ASB3: variants seen among roughly 807,000 people sequenced by gnomAD.
ASB3 encodes ankyrin repeat and SOCS box containing 3.
Under a neutral mutation model 54.5 loss-of-function variants are expected in ASB3, and 41 were observed. That is an observed-to-expected ratio of 0.75 (90% CI 0.59 to 0.98). The LOEUF (loss-of-function observed/expected upper bound fraction) is 0.98, where lower values mean the gene tolerates loss of function less well. Ranked by LOEUF, ASB3 falls within the 50% of genes least tolerant of loss-of-function variation. The pLI is 0.00. For synonymous variants in ASB3, 266 were observed against 221.2 expected, an observed-to-expected ratio of 1.20 and a Z score of -1.80; for missense variants, 733 against 620.0, an observed-to-expected ratio of 1.18 and a Z score of -1.94.
At chr2:53,724,217 C>T (rs1670866230) in intron 5 of ASB3, among the ~76,000 whole-genome samples, 1 of 152,160 alleles carries the variant, frequency 6.6e-6, no homozygotes, top group African/African-American at 2.4e-5. Flanking sequence ...CTGGATATTA[C>T]ACAAAGGTCT....
At chr2:53,770,713 A>T (rs1163074931) in intron 1 of ASB3, among the ~76,000 whole-genome samples, 1 of 152,190 alleles carries the variant, frequency 6.6e-6, no homozygotes. Flanking sequence ...TAAAAAGTGA[A>T]GCTTTCCATA....
intron 7 of ASB3, among the ~76,000 whole-genome samples, chr2:53,709,672 T>A (rs1392355691): frequency 6.6e-6 from 1 of 152,224 alleles, no homozygotes; most frequent in Non-Finnish European, 1.5e-5. Flanking sequence ...TACATTTACA[T>A]ATGTTTGAAA....
intron 9 of ASB3, among the ~76,000 whole-genome samples, chr2:53,693,308 A>G (rs1350791533): frequency 1.3e-5 from 2 of 152,162 alleles, no homozygotes; most frequent in Non-Finnish European, 2.9e-5. Context: ...CTAGCTTAAA[A>G]ATTTTTTTAA....
At chr2:53,752,320 T>C (rs1185956170) in intron 2 of ASB3, among the ~76,000 whole-genome samples, 3 of 152,176 alleles carry the variant, frequency 2.0e-5, no homozygotes, top group Non-Finnish European at 4.4e-5. Context: ...AAATTAGGCA[T>C]GTGGACACAT....
At chr2:53,702,382 C>G (rs998772058) in intron 7 of ASB3, among the ~76,000 whole-genome samples, 1 of 152,156 alleles carries the variant, frequency 6.6e-6, no homozygotes, top group Non-Finnish European at 1.5e-5. Flanking sequence ...AACTTCAGGG[C>G]TCTATATGAC....
chr2:53,744,199 A>T (rs1672095658), intron 3 of ASB3, among the ~76,000 whole-genome samples: 1 of 150,994 alleles, frequency 6.6e-6, no homozygotes, highest in South Asian at 2.1e-4. Context: ...ACACGGTGAA[A>T]CCTCATCTCT....
chr2:53,765,318 T>A, intron 2 of ASB3, 59 bp downstream of exon 2: 1 of 1,605,026 alleles, frequency 6.2e-7, no homozygotes, highest in African/African-American at 1.3e-5. Flanking sequence ...TATTATACTT[T>A]TTTATGTTTT....
intron 1 of ASB3, chr2:53,771,959 C>T: frequency 1.5e-6 from 2 of 1,373,584 alleles, no homozygotes; most frequent in Non-Finnish European, 1.0e-6. Context: ...TATAAATATT[C>T]TTTTTTGTAT....
intron 7 of ASB3, among the ~76,000 whole-genome samples, chr2:53,708,892 A>G (rs1010312257): frequency 1.1e-4 from 17 of 152,374 alleles, no homozygotes; most frequent in African/African-American, 3.1e-4. Context: ...ATGCATGAGC[A>G]AAGACAGGAC....
intron 9 of ASB3, among the ~76,000 whole-genome samples, chr2:53,681,431 C>T (rs903253570): frequency 1.3e-5 from 2 of 152,166 alleles, no homozygotes. Context: ...GGGTATTTCT[C>T]AAGAAACCTT....
intron 1 of ASB3, among the ~76,000 whole-genome samples, chr2:53,770,484 G>A (rs1358387987): frequency 7.2e-6 from 1 of 138,490 alleles, no homozygotes; most frequent in African/African-American, 2.8e-5. Flanking sequence ...GGTACTCCGT[G>A]GACGAAGTTT....
chr2:53,681,015 C>T (rs1427326119), intron 9 of ASB3, among the ~76,000 whole-genome samples: 3 of 152,108 alleles, frequency 2.0e-5, no homozygotes, highest in Admixed American at 1.3e-4. Flanking sequence ...ATTTTACTTA[C>T]TATAATGACC....
chr2:53,780,519 C>T (rs1471984999), intron 1 of ASB3, among the ~76,000 whole-genome samples: 1 of 152,142 alleles, frequency 6.6e-6, no homozygotes, highest in Non-Finnish European at 1.5e-5. Flanking sequence ...GTGCTCGTGC[C>T]TGTAATCTCA....
At chr2:53,763,066 C>A (rs1673234118) in intron 2 of ASB3, among the ~76,000 whole-genome samples, 1 of 152,106 alleles carries the variant, frequency 6.6e-6, no homozygotes, top group African/African-American at 2.4e-5. Flanking sequence ...ATTAGATAAA[C>A]CTCAGGGAGG....
chr2:53,745,023 A>G (rs1001380989), intron 3 of ASB3, among the ~76,000 whole-genome samples: 1 of 152,244 alleles, frequency 6.6e-6, no homozygotes, highest in South Asian at 2.1e-4. Context: ...GGAGTGTCCT[A>G]TGAAATCACA....
Position 53,750,908 on chromosome 2 carries a change from A to G in ASB3, c.230T>C (p.Phe77Ser). The G allele has an allele frequency of 6.3e-7, 1 of 1,594,330 alleles. No individual in the cohort carries two copies. Among genetic ancestry groups the G allele is most frequent in the East Asian group, 2.3e-5 (1 of 44,404 alleles). ...SSENYIKMKT[F>S]EGFCALHLAA... ...GAGATGCAAAGCACAGAAACCTTCA[A>G]AGGTCTTCATCTTAATGTAGTTTTC... The change falls in exon 3 of 10, where the codon TTT (phenylalanine) becomes TCT (serine). Residue 77 changes from phenylalanine to serine, a missense_variant. Coordinates refer to ENST00000263634, the MANE Select transcript of ASB3 (RefSeq NM_016115.5).
chr2:53,784,717 T>A (rs961279806), intron 1 of ASB3, among the ~76,000 whole-genome samples: 1 of 152,200 alleles, frequency 6.6e-6, no homozygotes, highest in Non-Finnish European at 1.5e-5. Flanking sequence ...CCTCTTCTTA[T>A]AAAGATACCA....
At chr2:53,691,000 C>A (rs1241590691) in intron 9 of ASB3, among the ~76,000 whole-genome samples, 1 of 152,122 alleles carries the variant, frequency 6.6e-6, no homozygotes, top group Admixed American at 6.6e-5. Context: ...CAGGAGTTGG[C>A]AAATTTTTTG....
In ASB3 at chr2:53,765,318, T is replaced by C. The variant is rs1408250510; in HGVS notation, c.196+59A>G. 7 of 1,604,908 alleles carry C rather than the reference T, an allele frequency of 4.4e-6. No individual in the cohort carries two copies. In the African/African-American group the frequency reaches 5.4e-5, roughly 12 times the overall value. ...TGTTAATAAGTTATGTATTATACTT[T>C]TTTATGTTTTATTAATCCAGCTTGT... On this transcript the variant is annotated intron_variant, in intron 2 of 9. Transcript: ENST00000263634.
Sources: gnomAD v4.1 joint callset for allele counts (sites outside exome capture counted in the v4.1 genomes callset) on GRCh38, gnomAD v4.1.1 for gene constraint, MANE v1.5 for transcripts, NCBI Gene and HGNC (gene_info 2026-07-23, HGNC 2026-07-21) for gene names.